Variants in RBFOX1 observed in about 807,000 individuals in gnomAD.
RBFOX1 encodes the protein RNA binding protein fox-1 homolog 1.
In RBFOX1, 8 loss-of-function variants were observed where a neutral mutation model predicts 57.7. The ratio of observed to expected loss-of-function variants is 0.14; its 90% CI spans 0.08 to 0.25. The LOEUF (loss-of-function observed/expected upper bound fraction) is 0.25, where lower values mean the gene tolerates loss of function less well. RBFOX1 is among the 10% of genes least tolerant of loss of function. RBFOX1 has a pLI of 1.00. For synonymous variants in RBFOX1, 326 were observed against 222.4 expected (o/e 1.47, Z -4.15); for missense variants, 611 against 548.5 (o/e 1.11, Z -1.14).
chr16:5,302,059 T>C (rs1161247398), intron 1 of RBFOX1, among the ~76,000 whole-genome samples: 2 of 152,186 alleles, frequency 1.3e-5, no homozygotes. Flanking sequence ...CTTTCTTATT[T>C]TTTAATATAG....
intron 3 of RBFOX1, among the ~76,000 whole-genome samples, chr16:5,613,783 C>A (rs1324609097): frequency 6.6e-6 from 1 of 151,924 alleles, no homozygotes; most frequent in Admixed American, 6.6e-5. Flanking sequence ...TTGTTTAACT[C>A]CCCAAATCAA....
At chr16:5,904,360 G>C (rs2058388944) in intron 4 of RBFOX1, among the ~76,000 whole-genome samples, 1 of 152,112 alleles carries the variant, frequency 6.6e-6, no homozygotes, top group African/African-American at 2.4e-5. Context: ...AGCAGAGGCT[G>C]CTCCATCACT....
At chr16:5,461,810 A>G (rs575894577) in intron 1 of RBFOX1, among the ~76,000 whole-genome samples, 2 of 152,254 alleles carry the variant, frequency 1.3e-5, no homozygotes, top group African/African-American at 4.8e-5. Flanking sequence ...GCAGTCTCTG[A>G]GCTCATTAAT....
At chr16:7,265,908 C>T (rs914739124) in intron 4 of RBFOX1, among the ~76,000 whole-genome samples, 12 of 148,392 alleles carry the variant, frequency 8.1e-5, no homozygotes, top group African/African-American at 3.0e-4. Context: ...TGGGTTCTTC[C>T]TTGCTTGGTG....
intron 3 of RBFOX1, among the ~76,000 whole-genome samples, chr16:5,715,491 C>T (rs1045780711): frequency 6.6e-6 from 1 of 152,236 alleles, no homozygotes; most frequent in African/African-American, 2.4e-5. Context: ...ATCATGAAAA[C>T]TCTTAAGATG....
At chr16:6,860,328 T>G (rs2058766877) in intron 3 of RBFOX1, among the ~76,000 whole-genome samples, 3 of 152,184 alleles carry the variant, frequency 2.0e-5, no homozygotes. Context: ...AGTCAAGTGT[T>G]TTTGGCTGGG....
intron 4 of RBFOX1, among the ~76,000 whole-genome samples, chr16:7,214,581 C>G (rs527760414): frequency 6.6e-6 from 1 of 152,162 alleles, no homozygotes; most frequent in East Asian, 1.9e-4. Context: ...GTGCTCCTAC[C>G]TCATCGTCTG....
chr16:6,928,830 C>A (rs550826463), intron 3 of RBFOX1, among the ~76,000 whole-genome samples: 52 of 152,166 alleles, frequency 3.4e-4, no homozygotes, highest in Middle Eastern at 3.4e-3. Context: ...GTAACACACA[C>A]AAAAAAATCA....
chr16:5,814,287 A>T (rs1463845920), intron 3 of RBFOX1, among the ~76,000 whole-genome samples: 1 of 152,186 alleles, frequency 6.6e-6, no homozygotes, highest in Non-Finnish European at 1.5e-5. Context: ...CTAATGAAGA[A>T]GTGACAAAGG....
intron 3 of RBFOX1, among the ~76,000 whole-genome samples, chr16:6,934,327 A>G (rs1036575442): frequency 6.6e-6 from 1 of 152,106 alleles, no homozygotes; most frequent in Non-Finnish European, 1.5e-5. Flanking sequence ...TATTTCTTTT[A>G]TCAATACAGA....
chr16:7,054,918 A>G (rs1392990120), intron 4 of RBFOX1, among the ~76,000 whole-genome samples: 1 of 152,196 alleles, frequency 6.6e-6, no homozygotes, highest in Non-Finnish European at 1.5e-5. Flanking sequence ...GATGATTTAG[A>G]AAGATAAAGC....
At chr16:6,722,900 G>T (rs963646005) in intron 3 of RBFOX1, among the ~76,000 whole-genome samples, 1 of 152,180 alleles carries the variant, frequency 6.6e-6, no homozygotes, top group South Asian at 2.1e-4. Flanking sequence ...CCCCCCGTGG[G>T]GTAGAGTGAA....
chr16:6,823,223 T>C (rs1465385933), intron 3 of RBFOX1, among the ~76,000 whole-genome samples: 7 of 152,034 alleles, frequency 4.6e-5, no homozygotes, highest in African/African-American at 1.7e-4. Flanking sequence ...CACTGACCTC[T>C]TGGCCCATCT....
intron 2 of RBFOX1, among the ~76,000 whole-genome samples, chr16:5,561,188 G>C (rs1424857495): frequency 1.3e-5 from 2 of 152,074 alleles, no homozygotes; most frequent in Non-Finnish European, 2.9e-5. Flanking sequence ...TCATCCATGG[G>C]AGGGGGTCTT....
chr16:6,097,070 T>C lies in RBFOX1; in HGVS notation c.-127+77078T>C, dbSNP rs1388783118. Among the ~76,000 whole-genome samples, 1 of 152,176 alleles carries C rather than the reference T, an allele frequency of 6.6e-6. No individual in the cohort carries two copies. Among genetic ancestry groups the C allele is most frequent in the Non-Finnish European group, 1.5e-5 (1 of 68,032 alleles). Reference sequence around the variant, plus strand: ...ATCATGGGGGTGGTTTCCCCCATACTGTTGTCATGGTGGTGAGTAAGTCTT... The same window carrying C: ...ATCATGGGGGTGGTTTCCCCCATACCGTTGTCATGGTGGTGAGTAAGTCTT... On this transcript the variant is annotated intron_variant, in intron 1 of 15. Coordinates refer to ENST00000550418, the MANE Select transcript of RBFOX1 (RefSeq NM_018723.4). The surrounding 1 kb of genome is among the most constrained non-coding windows in gnomAD (Gnocchi z 5.0).
intron 4 of RBFOX1, among the ~76,000 whole-genome samples, chr16:7,259,377 A>G (rs984790946): frequency 2.0e-5 from 3 of 152,128 alleles, no homozygotes; most frequent in Non-Finnish European, 4.4e-5. Flanking sequence ...CGTTCAGCAC[A>G]CATCACATAT....
intron 3 of RBFOX1, among the ~76,000 whole-genome samples, chr16:5,693,875 G>T (rs1026535741): frequency 1.3e-5 from 2 of 152,106 alleles, no homozygotes; most frequent in African/African-American, 4.8e-5. Context: ...GAAGGTTGGG[G>T]TTCAGTGAGA....
chr16:7,323,885 A>T (rs1490439742), intron 4 of RBFOX1, among the ~76,000 whole-genome samples: 1 of 152,102 alleles, frequency 6.6e-6, no homozygotes, highest in Non-Finnish European at 1.5e-5. Context: ...AATCCAATAG[A>T]TAGCAAAATG....
chr16:6,059,010 A>G (rs2095651890), intron 1 of RBFOX1, among the ~76,000 whole-genome samples: 1 of 152,248 alleles, frequency 6.6e-6, no homozygotes, highest in Non-Finnish European at 1.5e-5. Flanking sequence ...AATGAATGTG[A>G]AAGAATGCCA....
Sources: gnomAD v4.1 joint callset for allele counts (sites outside exome capture counted in the v4.1 genomes callset) on GRCh38, gnomAD v4.1.1 for gene constraint, Gnocchi (gnomAD v3.1) non-coding constraint, MANE v1.5 for transcripts, NCBI Gene and HGNC (gene_info 2026-07-23, HGNC 2026-07-21) for gene names.